DCTN6: variants seen among roughly 807,000 people sequenced by gnomAD.
DCTN6 encodes the protein dynactin subunit 6.
Under a neutral mutation model 25.8 loss-of-function variants are expected in DCTN6, and 15 were observed. The ratio of observed to expected loss-of-function variants is 0.58; its 90% CI spans 0.39 to 0.89. The LOEUF (loss-of-function observed/expected upper bound fraction) is 0.89, where lower values mean the gene tolerates loss of function less well. DCTN6 is among the 40% of genes least tolerant of loss of function. The probability of loss-of-function intolerance (pLI) is 0.00; values close to 1 mark genes in which losing one functional copy is unlikely to be tolerated. For missense variants in DCTN6, 198 were observed against 237.6 expected (o/e 0.83, Z 1.09); for synonymous variants, 64 against 78.3 (o/e 0.82, Z 0.96).
intron 1 of DCTN6, among the ~76,000 whole-genome samples, chr8:30,162,407 C>T (rs930617015): frequency 7.9e-5 from 12 of 152,168 alleles, no homozygotes; most frequent in Non-Finnish European, 1.5e-4. Context: ...TATTGTATTT[C>T]TGTATACTGT....
intron 6 of DCTN6, among the ~76,000 whole-genome samples, chr8:30,181,657 G>C (rs968261790): frequency 1.3e-5 from 2 of 152,058 alleles, no homozygotes; most frequent in African/African-American, 2.4e-5. Flanking sequence ...GCCAAGGCGG[G>C]CGGATCACTT....
chr8:30,163,932 C>T (rs1415620260), intron 1 of DCTN6, among the ~76,000 whole-genome samples, 179 bp from the exon 2 acceptor site: 2 of 151,904 alleles, frequency 1.3e-5, no homozygotes, highest in African/African-American at 4.8e-5. Context: ...GAACTCCTGA[C>T]CTCAGGTGAT....
intron 5 of DCTN6, 84 bp downstream of exon 5, chr8:30,179,539 G>A: frequency 1.6e-6 from 2 of 1,230,804 alleles, no homozygotes; most frequent in Non-Finnish European, 2.3e-6. Context: ...AATAGAAACT[G>A]TGGCAAGGTG....
Position 30,164,138 on chromosome 8 carries a change from A to C in DCTN6, c.51A>C (p.Val17=). The part of the protein sequence containing the change: ...KSVKIAPGAV[V]CVESEIRGDV... ...TGAAGATTGCTCCTGGAGCAGTTGTATGTGTAGAAAGTGAAATCAGAGGAG... is the reference window on the plus strand; with the variant it reads ...TGAAGATTGCTCCTGGAGCAGTTGTCTGTGTAGAAAGTGAAATCAGAGGAG... The change falls in exon 2 of 7, where the codon GTA becomes GTC. Residue 17 remains valine, a synonymous_variant. Coordinates refer to ENST00000221114, the MANE Select transcript of DCTN6 (RefSeq NM_006571.4). The C allele has an allele frequency of 6.2e-7, 1 of 1,613,878 alleles. No individual in the cohort carries two copies.
chr8:30,161,950 T>C lies in DCTN6; in HGVS notation c.24-2161T>C, dbSNP rs374520553. Among the ~76,000 whole-genome samples, 261 of 151,310 alleles carry C rather than the reference T, an allele frequency of 1.7e-3. 2 individuals carry two copies. Among genetic ancestry groups the C allele is most frequent in the African/African-American group, 6.2e-3 (254 of 41,230 alleles). ...TTTTAGTAGAGACGGGGTTTCACCG[T>C]GCTAGCCAGGATGGTCTCGATCTCC... On this transcript the variant is annotated intron_variant, in intron 1 of 6. Transcript: ENST00000221114.
chr8:30,157,646 T>G (rs148773100), intron 1 of DCTN6, among the ~76,000 whole-genome samples: 28 of 152,320 alleles, frequency 1.8e-4, no homozygotes, highest in African/African-American at 6.5e-4. Flanking sequence ...TGTAAACATG[T>G]GGGGACAGGA....
intron 2 of DCTN6, among the ~76,000 whole-genome samples, chr8:30,171,013 T>C (rs1011792015): frequency 1.3e-5 from 2 of 152,170 alleles, no homozygotes; most frequent in African/African-American, 4.8e-5. Context: ...AGTGTGCTTA[T>C]TTGTTTGAGT....
Position 30,183,055 on chromosome 8 carries a change from T to G in DCTN6, c.475-20T>G. ...GACTTTGCTTTCTGCCAATCGGCCT[T>G]AATTACCTTATCTTTTTAGCCCCAG... On this transcript the variant is annotated intron_variant, in intron 6 of 6. Transcript: ENST00000221114. 6.2e-7 allele frequency: 1 copy of G among 1,612,086 alleles called. No individual in the cohort carries two copies. Among genetic ancestry groups the G allele is most frequent in the Non-Finnish European group, 8.5e-7 (1 of 1,178,252 alleles).
At chr8:30,158,542 A>G (rs751707736) in intron 1 of DCTN6, among the ~76,000 whole-genome samples, 96 of 152,208 alleles carry the variant, frequency 6.3e-4, no homozygotes, top group Non-Finnish European at 1.1e-3. Flanking sequence ...TGCCCCAGGA[A>G]TGAACTCTGC....
chr8:30,165,826 A>C (rs1009350882), intron 2 of DCTN6: 1 of 151,380 alleles, frequency 6.6e-6, no homozygotes, highest in Non-Finnish European at 1.5e-5. Context: ...GCGCCGTTGC[A>C]CTCCAGCCTG....
At chr8:30,164,306 T>C (rs1311158652) in intron 2 of DCTN6, 131 bp downstream of exon 2, 2 of 723,014 alleles carry the variant, frequency 2.8e-6, no homozygotes, top group East Asian at 5.5e-5. Context: ...ATAATGCATT[T>C]TCTCCTATGT....
At chr8:30,165,556 G>A (rs758984981) in intron 2 of DCTN6, among the ~76,000 whole-genome samples, 2 of 151,734 alleles carry the variant, frequency 1.3e-5, no homozygotes, top group Non-Finnish European at 2.9e-5. Flanking sequence ...CAGTATTATG[G>A]AACATTGTTA....
At chr8:30,160,799 C>G (rs1803584482) in intron 1 of DCTN6, among the ~76,000 whole-genome samples, 1 of 152,294 alleles carries the variant, frequency 6.6e-6, no homozygotes. Flanking sequence ...AGGACTGGTC[C>G]TGGAACCAAT....
chr8:30,159,230 C>G (rs1367647460), intron 1 of DCTN6, among the ~76,000 whole-genome samples: 5 of 74,750 alleles, frequency 6.7e-5, no homozygotes, highest in Non-Finnish European at 1.9e-4. Flanking sequence ...AAGATAGACT[C>G]AGGGATTATT....
At chr8:30,180,842 G>A in intron 6 of DCTN6, 2 of 594,644 alleles carry the variant, frequency 3.4e-6, no homozygotes, top group Admixed American at 3.1e-5. Context: ...GAGCAGCCTG[G>A]GCAACATAGT....
At chr8:30,172,502 G>A (rs1056856177) in intron 2 of DCTN6, among the ~76,000 whole-genome samples, 2 of 151,812 alleles carry the variant, frequency 1.3e-5, no homozygotes, top group African/African-American at 4.8e-5. Flanking sequence ...CCAGGCTGGG[G>A]TGCAGTCATG....
chr8:30,175,028 C>T, intron 2 of DCTN6, 57 bp from the exon 3 acceptor site: 1 of 1,538,176 alleles, frequency 6.5e-7, no homozygotes, highest in African/African-American at 1.4e-5. Flanking sequence ...CACCTTCCAC[C>T]CTTCTGTTGG....
intron 2 of DCTN6, among the ~76,000 whole-genome samples, chr8:30,174,189 T>C (rs1803801318): frequency 6.6e-6 from 1 of 152,154 alleles, no homozygotes; most frequent in Non-Finnish European, 1.5e-5. Flanking sequence ...CTTTTCAGCT[T>C]TCACTGGTTT....
chr8:30,181,644 G>A (rs1241306756), intron 6 of DCTN6, among the ~76,000 whole-genome samples: 1 of 151,972 alleles, frequency 6.6e-6, no homozygotes, highest in Non-Finnish European at 1.5e-5. Flanking sequence ...AGCACTGTGC[G>A]AGGCCAAGGC....
Sources: allele counts gnomAD v4.1 joint callset (sites outside exome capture counted in the v4.1 genomes callset), GRCh38; gene constraint gnomAD v4.1.1; transcripts MANE v1.5; gene names NCBI Gene and HGNC (gene_info 2026-07-23, HGNC 2026-07-21).